EYA2: variants seen among roughly 807,000 people sequenced by gnomAD.
EYA2 encodes the protein EYA transcriptional coactivator and phosphatase 2, also known as protein phosphatase EYA2.
Under a neutral mutation model 69.2 loss-of-function variants are expected in EYA2, and 31 were observed. The ratio of observed to expected loss-of-function variants is 0.45; its 90% CI spans 0.34 to 0.60. The LOEUF (loss-of-function observed/expected upper bound fraction) is 0.60, where lower values mean the gene tolerates loss of function less well. EYA2 is among the 20% of genes least tolerant of loss of function. EYA2 has a pLI of 0.02. For synonymous variants in EYA2, 257 were observed against 279.4 expected, an observed-to-expected ratio of 0.92 and a Z score of 0.80; for missense variants, 622 against 701.2, an observed-to-expected ratio of 0.89 and a Z score of 1.28.
At chr20:47,036,408 T>C (rs1308350095) in intron 5 of EYA2, among the ~76,000 whole-genome samples, 1 of 152,182 alleles carries the variant, frequency 6.6e-6, no homozygotes. Context: ...CCAGCAATAT[T>C]GTGGAACAGG....
intron 10 of EYA2, among the ~76,000 whole-genome samples, chr20:47,168,260 C>T (rs1016963637): frequency 3.3e-5 from 5 of 152,028 alleles, no homozygotes; most frequent in African/African-American, 9.6e-5. Flanking sequence ...GGCGCGATCT[C>T]GGCTCACTAC....
intron 1 of EYA2, among the ~76,000 whole-genome samples, chr20:46,917,478 C>G (rs1403243198): frequency 6.6e-6 from 1 of 152,206 alleles, no homozygotes; most frequent in Non-Finnish European, 1.5e-5. Flanking sequence ...ACGTGGGACT[C>G]AGGTCAGACA....
At chr20:46,927,623 C>T (rs1985473623) in intron 1 of EYA2, among the ~76,000 whole-genome samples, 1 of 152,198 alleles carries the variant, frequency 6.6e-6, no homozygotes, top group Non-Finnish European at 1.5e-5. Flanking sequence ...TCTCGTGAGA[C>T]TTATTCACTA....
intron 10 of EYA2, among the ~76,000 whole-genome samples, chr20:47,157,283 G>A (rs1215239312): frequency 6.7e-6 from 1 of 149,442 alleles, no homozygotes; most frequent in African/African-American, 2.5e-5. Flanking sequence ...GAACCCAGGA[G>A]GCGGAGGTTG....
At chr20:47,107,836 A>G (rs2032637412) in intron 9 of EYA2, among the ~76,000 whole-genome samples, 1 of 152,152 alleles carries the variant, frequency 6.6e-6, no homozygotes, top group South Asian at 2.1e-4. Context: ...AATAAGAAGA[A>G]ATAATAATCC....
At chr20:46,956,542 A>G (rs1191453243) in intron 1 of EYA2, among the ~76,000 whole-genome samples, 2 of 152,156 alleles carry the variant, frequency 1.3e-5, no homozygotes, top group African/African-American at 4.8e-5. Flanking sequence ...CAGCAGGTAG[A>G]TGAGAAAAGA....
rs1362812049 is a variant in EYA2 at position 47,188,115 on chromosome 20, G to A, written c.1599G>A (p.Leu533=). 1.3e-6 allele frequency: 2 copies of A among 1,584,542 alleles called. No homozygotes were observed. The highest frequency in any genetic ancestry group is 1.7e-6 in the Non-Finnish European group (2 of 1,165,412). The change falls in exon 16 of 16, where the codon CTG becomes CTA. Residue 533 remains leucine, a synonymous_variant. Transcript: ENST00000327619. ...HADLEALRHA[L]ELEYL ...ACCTGGAGGCACTGAGGCACGCCCT[G>A]GAGCTGGAGTATTTATAGCAGGATC...
At chr20:47,111,940 G>A (rs1010692642) in intron 9 of EYA2, among the ~76,000 whole-genome samples, 1 of 151,916 alleles carries the variant, frequency 6.6e-6, no homozygotes, top group South Asian at 2.1e-4. Flanking sequence ...GACTAGCCTG[G>A]GCAAAACAGC....
intron 9 of EYA2, among the ~76,000 whole-genome samples, chr20:47,120,130 T>A (rs2033007228): frequency 6.6e-6 from 1 of 151,994 alleles, no homozygotes; most frequent in Non-Finnish European, 1.5e-5. Context: ...ATTGTTTGAA[T>A]CCAGGAGGCA....
chr20:47,019,838 G>A (rs1343097248), intron 5 of EYA2, among the ~76,000 whole-genome samples: 1 of 151,776 alleles, frequency 6.6e-6, no homozygotes, highest in African/African-American at 2.4e-5. Flanking sequence ...GCATGGTGAT[G>A]CATGCCTGTA....
Position 47,098,153 on chromosome 20 carries a change from T to G in EYA2, c.888+985T>G, listed in dbSNP as rs192765069. 9.8e-5 allele frequency among the ~76,000 whole-genome samples: 15 copies of G among 152,328 alleles called. No homozygotes were observed. In the East Asian group the frequency reaches 1.5e-3, roughly 16 times the overall value. On this transcript the variant is annotated intron_variant, in intron 9 of 15. Coordinates refer to ENST00000327619, the MANE Select transcript of EYA2 (RefSeq NM_005244.5). ...TGTTGTAAAGAATATAAAAATGGTGTTGGTGGTGCAGAAATCTCTTGCCGT... is the reference window on the plus strand; with the variant it reads ...TGTTGTAAAGAATATAAAAATGGTGGTGGTGGTGCAGAAATCTCTTGCCGT...
rs140040548 is a variant in EYA2 at position 46,965,079 on chromosome 20, C to T, written c.-10-24922C>T. ...CGGTGGAACTGCCAGGGTTCGAATC[C>T]GCCTCTGACACTTAACTGCCTGCAT... On this transcript the variant is annotated intron_variant, in intron 1 of 15. Coordinates refer to ENST00000327619, the MANE Select transcript of EYA2 (RefSeq NM_005244.5). Among the ~76,000 whole-genome samples the T allele has an allele frequency of 3.2e-4, 48 of 152,250 alleles. No homozygotes were observed. The East Asian group carries it at 9.1e-3, about 29-fold the overall frequency.
chr20:47,034,030 AAAGGGAGG>A (rs1984561088), intron 5 of EYA2, among the ~76,000 whole-genome samples: 1 of 152,214 alleles, frequency 6.6e-6, no homozygotes, highest in African/African-American at 2.4e-5. Flanking sequence ...ATTCAGTGAT[AAAGGGAGG>A]AAGGAAGTCT....
intron 5 of EYA2, among the ~76,000 whole-genome samples, chr20:47,031,536 A>G (rs1312963609): frequency 6.6e-6 from 1 of 152,202 alleles, no homozygotes; most frequent in Admixed American, 6.5e-5. Context: ...GCCAGTATTC[A>G]CAAGTGTACC....
intron 1 of EYA2, among the ~76,000 whole-genome samples, chr20:46,976,341 A>C (rs1206779): frequency 0.89 from 136,175 of 152,194 alleles, 61,429 homozygotes; most frequent in Non-Finnish European, 0.95. Context: ...AAGGCCCTGT[A>C]TCTATAAAAA....
chr20:47,104,064 G>T (rs1397196241), intron 9 of EYA2, among the ~76,000 whole-genome samples: 1 of 152,176 alleles, frequency 6.6e-6, no homozygotes, highest in Non-Finnish European at 1.5e-5. Context: ...CATCAGCCAT[G>T]TAAAATGGCT....
intron 9 of EYA2, among the ~76,000 whole-genome samples, chr20:47,136,037 AC>A (rs1200597734): frequency 6.6e-6 from 1 of 151,832 alleles, no homozygotes; most frequent in African/African-American, 2.4e-5. Flanking sequence ...AAAGAAAGAA[AC>A]AGAAAACTTG....
intron 1 of EYA2, among the ~76,000 whole-genome samples, chr20:46,917,899 T>C (rs1984987198): frequency 6.6e-6 from 1 of 152,218 alleles, no homozygotes; most frequent in Non-Finnish European, 1.5e-5. Context: ...GGCAATCTCT[T>C]AAAATAAGAC....
At chr20:46,914,686 C>T (rs1354347772) in intron 1 of EYA2, among the ~76,000 whole-genome samples, 1 of 152,206 alleles carries the variant, frequency 6.6e-6, no homozygotes, top group Non-Finnish European at 1.5e-5. Context: ...CACCTAGTCC[C>T]TCCCACGACA....
Sources: allele counts gnomAD v4.1 joint callset (sites outside exome capture counted in the v4.1 genomes callset), GRCh38; gene constraint gnomAD v4.1.1; transcripts MANE v1.5; gene names NCBI Gene and HGNC (gene_info 2026-07-23, HGNC 2026-07-21).